Variants in ADAMTS9 observed in about 807,000 individuals in gnomAD.
ADAMTS9 encodes the protein ADAM metallopeptidase with thrombospondin type 1 motif 9.
A neutral mutation model predicts 257.1 loss-of-function variants in ADAMTS9; 107 were observed. The ratio of observed to expected loss-of-function variants is 0.42; its 90% CI spans 0.36 to 0.49. The LOEUF (loss-of-function observed/expected upper bound fraction) is 0.49, where lower values mean the gene tolerates loss of function less well. Among genes scored for constraint, ADAMTS9 ranks in the 20% least tolerant of loss-of-function variants. The pLI, the probability that ADAMTS9 is intolerant of heterozygous loss-of-function variation, is 0.03. For missense variants in ADAMTS9, 2,353 were observed against 2,469.1 expected, an observed-to-expected ratio of 0.95 and a Z score of 1.00; for synonymous variants, 982 against 880.9, an observed-to-expected ratio of 1.11 and a Z score of -2.03.
intron 33 of ADAMTS9, 100 bp from the exon 34 acceptor site, chr3:64,541,720 A>G: frequency 6.4e-7 from 1 of 1,562,986 alleles, no homozygotes; most frequent in East Asian, 2.2e-5. Context: ...ACTTTTTAGC[A>G]AAGCGAATGA....
chr3:64,533,247 A>G lies in ADAMTS9; in HGVS notation c.5637T>C (p.Tyr1879=), dbSNP rs2106893845. 1.2e-6 allele frequency: 2 copies of G among 1,614,120 alleles called. No homozygotes were observed. Among genetic ancestry groups the G allele is most frequent in the Middle Eastern group, 3.3e-4 (2 of 6,062 alleles). The change falls in exon 38 of 40, where the codon TAT becomes TAC. Residue 1879 remains tyrosine (Y), a synonymous_variant. Coordinates refer to ENST00000498707, the MANE Select transcript of ADAMTS9 (RefSeq NM_182920.2). The part of the protein sequence containing the change: ...CPQGRFSINL[Y]GTGLSLTESA... ...ATTCAGTTAAAGACAAGCCGGTTCC[A>G]TAAAGGTTGATGCTAAAACGACCCT...
intron 28 of ADAMTS9, among the ~76,000 whole-genome samples, chr3:64,579,288 A>G (rs773696815): frequency 6.6e-6 from 1 of 152,168 alleles, no homozygotes; most frequent in African/African-American, 2.4e-5. Context: ...AGATACTTAC[A>G]TGGCTTCCTT....
chr3:64,539,495 G>A (rs11130968), intron 36 of ADAMTS9, among the ~76,000 whole-genome samples: 108,217 of 151,790 alleles, frequency 0.71, 40,857 homozygotes, highest in Non-Finnish European at 0.85. Context: ...GTGGTTCTGC[G>A]AGCTTCATTC....
chr3:64,538,811 A>C, intron 37 of ADAMTS9, among the ~76,000 whole-genome samples: 1 of 152,130 alleles, frequency 6.6e-6, no homozygotes, highest in South Asian at 2.1e-4. Context: ...CAATTGACAA[A>C]TGTTACAAAG....
In ADAMTS9 at chr3:64,596,573, G is replaced by T. The variant is rs144487833; in HGVS notation, c.4179+257C>A. Among the ~76,000 whole-genome samples the T allele has an allele frequency of 1.4e-4, 21 of 152,216 alleles. No homozygotes were observed. The East Asian group carries it at 3.3e-3, about 24-fold the overall frequency. ...AGCATCTATTTTTTAATCATCAGAG[G>T]TGAACAAATAACTTAAACCAGTATT... On this transcript the variant is annotated intron_variant, in intron 27 of 39. Coordinates refer to ENST00000498707, the MANE Select transcript of ADAMTS9 (RefSeq NM_182920.2).
intron 29 of ADAMTS9, among the ~76,000 whole-genome samples, chr3:64,565,179 A>G (rs967863846): frequency 1.3e-5 from 2 of 152,242 alleles, no homozygotes; most frequent in African/African-American, 4.8e-5. Flanking sequence ...TTTCTCAAAG[A>G]ACACAAGCCA....
chr3:64,672,649 C>CTCCA (rs1265960475), intron 3 of ADAMTS9, among the ~76,000 whole-genome samples: 1 of 150,628 alleles, frequency 6.6e-6, no homozygotes, highest in Non-Finnish European at 1.5e-5. Context: ...CGCCACTGCA[C>CTCCA]TCCAGCCTGG....
Position 64,561,560 on chromosome 3 carries a change from C to T in ADAMTS9, c.4698+18G>A. 6.2e-7 allele frequency: 1 copy of T among 1,607,544 alleles called. No individual in the cohort carries two copies. The highest frequency in any genetic ancestry group is 8.5e-7 in the Non-Finnish European group (1 of 1,176,644). Reference sequence around the variant, plus strand: ...CACGTGAAATGCCTGGCAGGTACCCCTTTGTGGCTCTACTTACTTCTTGCC... The same window carrying T: ...CACGTGAAATGCCTGGCAGGTACCCTTTTGTGGCTCTACTTACTTCTTGCC... On this transcript the variant is annotated intron_variant, in intron 30 of 39. Coordinates refer to ENST00000498707, the MANE Select transcript of ADAMTS9 (RefSeq NM_182920.2).
In ADAMTS9 at chr3:64,616,042, C is replaced by T; in HGVS notation, c.2942G>A (p.Ser981Asn). The change falls in exon 20 of 40, where the codon AGC becomes AAC. Residue 981 changes from serine to asparagine, a missense_variant. Ser to Asn is a conservative substitution (Grantham distance 46). This residue lies in a region of ADAMTS9 where 1,402 missense variants were observed against 1,441.4 expected (regional missense o/e 0.97). Transcript: ENST00000498707. ...KTEKVDDGFC[S>N]SHPKPSNREK... is the part of the protein sequence containing the mutation. ...ACGGTTGCTTGGTTTGGGATGGCTGCTGCAAAAACCATCATCAACCTTCTC... is the reference window on the plus strand; with the variant it reads ...ACGGTTGCTTGGTTTGGGATGGCTGTTGCAAAAACCATCATCAACCTTCTC... 6.2e-7 allele frequency: 1 copy of T among 1,614,014 alleles called. No individual in the cohort carries two copies. The highest frequency in any genetic ancestry group is 2.2e-5 in the East Asian group (1 of 44,864).
In ADAMTS9 at chr3:64,654,572, C is replaced by G. The variant is rs1308693379; in HGVS notation, c.1210G>C (p.Gly404Arg). Reference sequence around the variant, plus strand: ...TAGAAGATACGCACAGAGAACTCACCTAAGGTATCACATTTGTCGTGAGCT... The same window carrying G: ...TAGAAGATACGCACAGAGAACTCACGTAAGGTATCACATTTGTCGTGAGCT... ...CRAHDKCDTL[G>R]LAELGTICDP... Residue 404 changes from glycine to arginine, a missense_variant and splice_region_variant, in exon 7 of 40, where the codon GGC becomes CGC. Gly to Arg is a moderately radical substitution (Grantham distance 125, BLOSUM62 -2). Coordinates refer to ENST00000498707, the MANE Select transcript of ADAMTS9 (RefSeq NM_182920.2). 6.2e-7 allele frequency: 1 copy of G among 1,614,112 alleles called. No individual in the cohort carries two copies. The highest frequency in any genetic ancestry group is 1.1e-5 in the South Asian group (1 of 91,080).
Position 64,631,525 on chromosome 3 carries a change from T to G in ADAMTS9, c.2319A>C (p.Pro773=), listed in dbSNP as rs769582816. 38 of 1,613,972 alleles carry G rather than the reference T, an allele frequency of 2.4e-5. 1 individual carries two copies. In the South Asian group the frequency reaches 3.5e-4, roughly 15 times the overall value. The part of the protein sequence containing the change: ...HYGYNTVVRI[P]AGATNIDVRQ... ...GCACATCAATATTGGTAGCACCAGC[T>G]GGAATTCGGACCACAGTATTGTAAC... The change falls in exon 16 of 40, where the codon CCA becomes CCC. Residue 773 remains proline (P), a synonymous_variant. Transcript: ENST00000498707.
chr3:64,578,958 C>T (rs1282776279), intron 28 of ADAMTS9, among the ~76,000 whole-genome samples: 1 of 152,212 alleles, frequency 6.6e-6, no homozygotes, highest in South Asian at 2.1e-4. Context: ...TGTGTTCCTC[C>T]TGTACCCTCT....
At chr3:64,581,850 C>A in intron 28 of ADAMTS9, among the ~76,000 whole-genome samples, 1 of 152,120 alleles carries the variant, frequency 6.6e-6, no homozygotes, top group East Asian at 1.9e-4. Context: ...CAGGGAAAAT[C>A]CAATGTTTCA....
At chr3:64,641,558 G>A (rs1700643103) in intron 12 of ADAMTS9, among the ~76,000 whole-genome samples, 1 of 147,732 alleles carries the variant, frequency 6.8e-6, no homozygotes, top group Non-Finnish European at 1.5e-5. Flanking sequence ...GTGTAGCAGG[G>A]AGAGTGAGAC....
intron 28 of ADAMTS9, chr3:64,588,247 G>A (rs2084195649): frequency 6.6e-6 from 1 of 152,070 alleles, no homozygotes; most frequent in East Asian, 1.9e-4. Context: ...GAAGCTGCCA[G>A]GAAAACCAAA....
chr3:64,584,383 G>A (rs1423533850), intron 28 of ADAMTS9, among the ~76,000 whole-genome samples: 2 of 152,020 alleles, frequency 1.3e-5, no homozygotes, highest in African/African-American at 4.8e-5. Context: ...GGGAGGAGGA[G>A]AGAAGGCTTA....
At position 64,607,028 on chromosome 3, in the gene ADAMTS9, T is replaced by C. The variant is rs2084568028; in HGVS notation, c.3406A>G (p.Ile1136Val). 2 of 1,613,844 alleles carry C rather than the reference T, an allele frequency of 1.2e-6. No homozygotes were observed. The highest frequency in any genetic ancestry group is 1.3e-5 in the African/African-American group (1 of 74,944). ...TCTACCACTGACATATAAGTCCCAA[T>C]GATGCATTTCACTGCTCTTAGCTGG... ...GYQLRAVKCI[I>V]GTYMSVVDDN... Residue 1136 changes from isoleucine (I) to valine (V), a missense_variant, in exon 23 of 40, where the codon ATT (isoleucine) becomes GTT (valine). By Grantham distance (29) the Ile-to-Val change is conservative. This residue lies in a region of ADAMTS9 where 1,402 missense variants were observed against 1,441.4 expected (regional missense o/e 0.97). Coordinates refer to ENST00000498707, the MANE Select transcript of ADAMTS9 (RefSeq NM_182920.2).
intron 31 of ADAMTS9, 129 bp downstream of exon 31, chr3:64,550,763 A>G (rs1276401432): frequency 3.5e-6 from 4 of 1,128,652 alleles, no homozygotes; most frequent in Non-Finnish European, 5.0e-6. Flanking sequence ...GAAAACACAC[A>G]GTTCACAGTG....
At chr3:64,658,446 T>C in intron 4 of ADAMTS9, 56 bp downstream of exon 4, 1 of 1,543,976 alleles carries the variant, frequency 6.5e-7, no homozygotes, top group Non-Finnish European at 8.8e-7. Context: ...TGGAAACCCA[T>C]TCCCCAATGG....
Sources: gnomAD v4.1 joint callset for allele counts (sites outside exome capture counted in the v4.1 genomes callset) on GRCh38, gnomAD v4.1.1 for gene constraint, gnomAD v4.1.1 regional missense constraint, MANE v1.5 for transcripts, NCBI Gene and HGNC (gene_info 2026-07-23, HGNC 2026-07-21) for gene names.